The following OR1J2 variants were observed in gnomAD, a reference collection of about 807,000 sequenced individuals.
The protein encoded by OR1J2 is olfactory receptor family 1 subfamily J member 2.
For missense variants in OR1J2, 304 were observed against 246.1 expected (o/e 1.24, Z -1.57); for synonymous variants, 142 against 99.7 (o/e 1.42, Z -2.52).
chr9:122,466,967 C>T, the OR1J2 span, among the ~76,000 whole-genome samples: 2 of 152,018 alleles, frequency 1.3e-5, no homozygotes, highest in African/African-American at 2.4e-5. Flanking sequence ...TACAGGTGCC[C>T]ACGACCATGC....
chr9:122,468,389 T>C, the OR1J2 span, among the ~76,000 whole-genome samples: 1 of 152,202 alleles, frequency 6.6e-6, no homozygotes, highest in Non-Finnish European at 1.5e-5. Flanking sequence ...CAACTTTTCT[T>C]TTCTGGCCCA....
the OR1J2 span, among the ~76,000 whole-genome samples, chr9:122,483,682 G>A: frequency 6.6e-6 from 1 of 152,226 alleles, no homozygotes; most frequent in Non-Finnish European, 1.5e-5. Context: ...TGGCTGTGCT[G>A]ATAACATTCT....
chr9:122,526,002 C>G, the OR1J2 span, among the ~76,000 whole-genome samples: 16 of 152,212 alleles, frequency 1.1e-4, no homozygotes, highest in African/African-American at 3.1e-4. Flanking sequence ...TCCAACACAC[C>G]ATAGATAGTA....
chr9:122,478,780 T>C, the OR1J2 span, among the ~76,000 whole-genome samples: 6,572 of 152,016 alleles, frequency 0.043, 154 homozygotes, highest in Middle Eastern at 0.11. Flanking sequence ...TGATCTTTTT[T>C]TGTTTGTTTG....
At chr9:122,508,827 A>G (rs1021273190), upstream of OR1J2, among the ~76,000 whole-genome samples, 7 of 152,246 alleles carry the variant, frequency 4.6e-5, no homozygotes, top group Admixed American at 1.3e-4. Context: ...ATGTTATTAT[A>G]TCACAGTTCT....
chr9:122,480,073 T>A, the OR1J2 span, among the ~76,000 whole-genome samples: 27 of 152,242 alleles, frequency 1.8e-4, no homozygotes, highest in African/African-American at 6.5e-4. Flanking sequence ...ATTTTTCAAC[T>A]CACATCAATA....
At chr9:122,515,352 T>TTCTGTGTGTG (rs1554732982), downstream of OR1J2, among the ~76,000 whole-genome samples, 1 of 135,714 alleles carries the variant, frequency 7.4e-6, no homozygotes, top group Non-Finnish European at 1.6e-5. Flanking sequence ...CAGGAGCAGG[T>TTCTGTGTGTG]TGTGTGTGTG....
chr9:122,472,196 C>G, the OR1J2 span, among the ~76,000 whole-genome samples: 2 of 152,160 alleles, frequency 1.3e-5, no homozygotes, highest in Admixed American at 6.5e-5. Flanking sequence ...TATGTTCTCC[C>G]CCTGGATTGA....
At chr9:122,449,471 G>A in the OR1J2 span, among the ~76,000 whole-genome samples, 1 of 152,116 alleles carries the variant, frequency 6.6e-6, no homozygotes, top group Non-Finnish European at 1.5e-5. Context: ...CTGGGTTCAC[G>A]CCATTCTCCT....
chr9:122,523,554 A>G, the OR1J2 span, among the ~76,000 whole-genome samples: 1 of 152,184 alleles, frequency 6.6e-6, no homozygotes, highest in South Asian at 2.1e-4. Context: ...GGTAACAGAT[A>G]ATGTGTGCCT....
At chr9:122,516,890 C>G in the OR1J2 span, among the ~76,000 whole-genome samples, 5 of 152,132 alleles carry the variant, frequency 3.3e-5, no homozygotes, top group African/African-American at 1.2e-4. Flanking sequence ...TGCATCAGGT[C>G]ACGATCTCAT....
At chr9:122,567,650 A>C in the OR1J2 span, 1 of 1,614,096 alleles carries the variant, frequency 6.2e-7, no homozygotes, top group Non-Finnish European at 8.5e-7. Flanking sequence ...CTGTGTAAAC[A>C]ATTGTTGCCA....
At chr9:122,535,106 A>G in the OR1J2 span, among the ~76,000 whole-genome samples, 1 of 151,064 alleles carries the variant, frequency 6.6e-6, no homozygotes, top group Non-Finnish European at 1.5e-5. Flanking sequence ...CCTAGAGAAA[A>G]GAGAGAGTAG....
At chr9:122,501,079 A>T in the OR1J2 span, among the ~76,000 whole-genome samples, 4 of 152,334 alleles carry the variant, frequency 2.6e-5, no homozygotes, top group Admixed American at 1.3e-4. Flanking sequence ...ATTATTTTTT[A>T]AAAACCTGCA....
chr9:122,477,327 A>C, the OR1J2 span: 1 of 1,614,190 alleles, frequency 6.2e-7, no homozygotes, highest in East Asian at 2.2e-5. Context: ...ATGCTGCTGT[A>C]AAGATTGCTA....
At chr9:122,512,065 A>G (rs1588190645), downstream of OR1J2, among the ~76,000 whole-genome samples, 1 of 152,184 alleles carries the variant, frequency 6.6e-6, no homozygotes, top group African/African-American at 2.4e-5. Flanking sequence ...TTTGGCCTAT[A>G]ATCCCAGGCT....
At chr9:122,542,055 T>C in the OR1J2 span, among the ~76,000 whole-genome samples, 1 of 152,198 alleles carries the variant, frequency 6.6e-6, no homozygotes, top group African/African-American at 2.4e-5. Flanking sequence ...TTTTGTCTGT[T>C]TTTGAAGTTC....
the OR1J2 span, among the ~76,000 whole-genome samples, chr9:122,534,237 A>G: frequency 6.6e-6 from 1 of 152,078 alleles, no homozygotes; most frequent in Non-Finnish European, 1.5e-5. Context: ...AGGGGAGGTT[A>G]ATTAAGTCCT....
At chr9:122,479,948 T>C in the OR1J2 span, among the ~76,000 whole-genome samples, 2 of 152,206 alleles carry the variant, frequency 1.3e-5, no homozygotes, top group African/African-American at 4.8e-5. Flanking sequence ...TGGGGCCCCA[T>C]GTTATTTAGT....
Sources: gnomAD v4.1 joint callset for allele counts (sites outside exome capture counted in the v4.1 genomes callset) on GRCh38, gnomAD v4.1.1 for gene constraint, MANE v1.5 for transcripts, NCBI Gene and HGNC (gene_info 2026-07-23, HGNC 2026-07-21) for gene names.